Variants in EDA observed in about 807,000 individuals in gnomAD.
EDA encodes the protein ectodysplasin A.
Under a neutral mutation model 23.6 loss-of-function variants are expected in EDA, and 2 were observed. The ratio of observed to expected loss-of-function variants is 0.08; its 90% confidence interval spans 0.03 to 0.27. The LOEUF is 0.27. EDA is among the 10% of genes least tolerant of loss of function. The pLI, the probability that EDA is intolerant of heterozygous loss-of-function variation, is 1.00. For synonymous variants in EDA, 131 were observed against 132.0 expected, an observed-to-expected ratio of 0.99 and a Z score of 0.05; for missense variants, 229 against 324.2, an observed-to-expected ratio of 0.71 and a Z score of 2.26.
chrX:69,711,268 T>A (rs1569304381), intron 1 of EDA, among the ~76,000 whole-genome samples: 1 of 111,513 alleles, frequency 9.0e-6, no homozygotes, highest in Non-Finnish European at 1.9e-5. Flanking sequence ...TTTTTGTCTT[T>A]GGTTCTGTTT....
intron 1 of EDA, among the ~76,000 whole-genome samples, chrX:69,955,018 CTGCA>C (rs2018979391): frequency 8.9e-6 from 1 of 112,209 alleles, no homozygotes; most frequent in Non-Finnish European, 1.9e-5. Flanking sequence ...TTTTTAATGG[CTGCA>C]TAGCTGAAGT....
In EDA at chrX:69,849,816, A is replaced by G. The variant is rs765160336; in HGVS notation, c.397-107211A>G. ...AAAAATGAAGAATTTAAGTAGTTGT[A>G]GCAATACATTGACCTTTATAGAAAC... On this transcript the variant is annotated intron_variant, in intron 1 of 7. Coordinates refer to ENST00000374552, the MANE Select transcript of EDA (RefSeq NM_001399.5). 3.6e-5 allele frequency among the ~76,000 whole-genome samples: 4 copies of G among 111,952 alleles called. No homozygotes were observed. The East Asian group carries it at 1.1e-3, about 31-fold the overall frequency.
At chrX:69,875,545 C>T (rs1370304905) in intron 1 of EDA, among the ~76,000 whole-genome samples, 1 of 111,688 alleles carries the variant, frequency 9.0e-6, no homozygotes, top group Non-Finnish European at 1.9e-5. Flanking sequence ...AAGATAACAT[C>T]AGAAAAACCC....
chrX:69,795,572 T>C (rs1200390378), intron 1 of EDA, among the ~76,000 whole-genome samples: 1 of 112,954 alleles, frequency 8.9e-6, no homozygotes, highest in Non-Finnish European at 1.9e-5. Context: ...GCACAAGGAC[T>C]GAGGTTCAAG....
intron 1 of EDA, among the ~76,000 whole-genome samples, chrX:69,739,440 A>G (rs2013376715): frequency 9.0e-6 from 1 of 110,710 alleles, no homozygotes; most frequent in African/African-American, 3.3e-5. Flanking sequence ...AAAAAGTCTG[A>G]TAATCTCTGA....
chrX:69,679,279 T>A (rs1934237468), intron 1 of EDA, among the ~76,000 whole-genome samples: 1 of 104,822 alleles, frequency 9.5e-6, no homozygotes, highest in South Asian at 4.4e-4. Flanking sequence ...TGGTCTAAAA[T>A]TCTCTTTTTT....
intron 1 of EDA, among the ~76,000 whole-genome samples, chrX:69,730,775 A>C (rs1389767896): frequency 1.8e-5 from 2 of 112,144 alleles, no homozygotes; most frequent in African/African-American, 6.5e-5. Context: ...CATAATGAAA[A>C]ATATGCATTA....
At chrX:70,023,841 A>C (rs1237056380) in intron 3 of EDA, among the ~76,000 whole-genome samples, 1 of 111,746 alleles carries the variant, frequency 8.9e-6, no homozygotes, top group Non-Finnish European at 1.9e-5. Flanking sequence ...TTTTCTCTGT[A>C]ATGAAAAAGC....
intron 2 of EDA, among the ~76,000 whole-genome samples, chrX:69,997,906 C>A (rs1388092004): frequency 8.9e-6 from 1 of 112,497 alleles, no homozygotes; most frequent in African/African-American, 3.2e-5. Context: ...GGAACCTCCG[C>A]CTAGATTTCA....
chrX:70,023,148 A>T, intron 2 of EDA, 70 bp from the exon 3 acceptor site: 1 of 739,095 alleles, frequency 1.4e-6, no homozygotes, highest in Non-Finnish European at 2.0e-6. Context: ...CCTCCTAGTG[A>T]CTATCTTAGA....
intron 1 of EDA, among the ~76,000 whole-genome samples, chrX:69,907,339 T>G (rs1463033038): frequency 9.0e-6 from 1 of 111,565 alleles, no homozygotes; most frequent in Non-Finnish European, 1.9e-5. Flanking sequence ...ACATGACATA[T>G]GCCTAGTAAT....
intron 1 of EDA, among the ~76,000 whole-genome samples, chrX:69,664,111 T>C (rs942907426): frequency 9.0e-6 from 1 of 111,709 alleles, no homozygotes; most frequent in Non-Finnish European, 1.9e-5. Flanking sequence ...GAGTTAAGAC[T>C]TTAGGGGACT....
At position 70,016,837 on chromosome X, in the gene EDA, G is replaced by A. The variant is rs183437999; in HGVS notation, c.503-6381G>A. On this transcript the variant is annotated intron_variant, in intron 2 of 7. Coordinates refer to ENST00000374552, the MANE Select transcript of EDA (RefSeq NM_001399.5). The stretch of plus-strand genomic sequence containing the variant: ...AAGAGCAAACCAACCCCATACTAGC[G>A]GAAGACAAGAAATAACCAAAATCAA... Among the ~76,000 whole-genome samples the A allele has an allele frequency of 3.9e-3, 439 of 111,197 alleles. 3 individuals carry two copies. The highest frequency in any genetic ancestry group is 9.4e-3 in the South Asian group (25 of 2,668).
chrX:69,908,645 A>G (rs2018213404), intron 1 of EDA, among the ~76,000 whole-genome samples: 1 of 109,640 alleles, frequency 9.1e-6, no homozygotes, highest in African/African-American at 3.3e-5. Flanking sequence ...ACCATATCTG[A>G]TGAAGAATGG....
intron 1 of EDA, among the ~76,000 whole-genome samples, chrX:69,757,540 T>A (rs1458369739): frequency 8.9e-6 from 1 of 112,392 alleles, no homozygotes; most frequent in Non-Finnish European, 1.9e-5. Context: ...GTAGTTCATA[T>A]CTCTTTCTTT....
chrX:69,679,096 T>G (rs1188236873), intron 1 of EDA, among the ~76,000 whole-genome samples: 1 of 108,079 alleles, frequency 9.3e-6, no homozygotes, highest in African/African-American at 3.4e-5. Flanking sequence ...GTTTTTGTCT[T>G]TGGTTCTGTT....
chrX:69,688,233 G>A lies in EDA; in HGVS notation c.396+71529G>A, dbSNP rs140920251. On this transcript the variant is annotated intron_variant, in intron 1 of 7. Transcript: ENST00000374552. ...ATTCTCAATGGAGGAACTGTGTTGG[G>A]ATACTATGGGGGAAAGAAAAGACAA... Among the ~76,000 whole-genome samples the A allele has an allele frequency of 6.6e-3, 733 of 111,527 alleles. 7 individuals are homozygous for A. Among genetic ancestry groups the A allele is most frequent in the African/African-American group, 0.023 (703 of 30,673 alleles).
intron 2 of EDA, among the ~76,000 whole-genome samples, chrX:69,995,746 A>C (rs772214627): frequency 2.4e-4 from 27 of 112,640 alleles, no homozygotes; most frequent in Middle Eastern, 9.1e-3. Context: ...TTCTATAAAA[A>C]GGCAAATTAG....
intron 1 of EDA, among the ~76,000 whole-genome samples, chrX:69,916,754 G>C (rs1401051945): frequency 9.1e-6 from 1 of 110,308 alleles, no homozygotes; most frequent in African/African-American, 3.3e-5. Context: ...GAAGCACTGT[G>C]TGAAAGTACC....
Sources: allele counts gnomAD v4.1 joint callset (sites outside exome capture counted in the v4.1 genomes callset), GRCh38; gene constraint gnomAD v4.1.1; transcripts MANE v1.5; gene names NCBI Gene and HGNC (gene_info 2026-07-23, HGNC 2026-07-21).